The following PPFIBP1 variants were observed in gnomAD, a reference collection of about 807,000 sequenced individuals.
PPFIBP1 encodes PPFIB scaffold protein 1, also known as liprin-beta-1.
PPFIBP1 carries 112 observed loss-of-function variants against 137.8 expected under a neutral mutation model. The observed-to-expected ratio is 0.81, with a 90% CI of 0.70 to 0.95. PPFIBP1 has a LOEUF of 0.95. PPFIBP1 is among the 40% of genes least tolerant of loss of function. The probability of loss-of-function intolerance (pLI) is 0.00; values close to 1 mark genes in which losing one functional copy is unlikely to be tolerated. For missense variants in PPFIBP1, 1,083 were observed against 1,196.6 expected (o/e 0.91, Z 1.40); for synonymous variants, 378 against 417.3 (o/e 0.91, Z 1.15).
intron 24 of PPFIBP1, among the ~76,000 whole-genome samples, chr12:27,683,669 C>T (rs1024064307): frequency 6.6e-6 from 1 of 152,238 alleles, no homozygotes; most frequent in Non-Finnish European, 1.5e-5. Flanking sequence ...TAGGACTATT[C>T]CCTGCTTTAC....
intron 4 of PPFIBP1, among the ~76,000 whole-genome samples, chr12:27,645,730 C>A (rs1285128052): frequency 6.6e-6 from 1 of 152,184 alleles, no homozygotes; most frequent in Non-Finnish European, 1.5e-5. Flanking sequence ...ACTCGGGGTG[C>A]CCCCTACATA....
At chr12:27,547,656 G>C (rs1258027233) in intron 1 of PPFIBP1, 1 of 152,346 alleles carries the variant, frequency 6.6e-6, no homozygotes, top group Non-Finnish European at 1.5e-5. Flanking sequence ...ACTGGCAAAT[G>C]TGGTTGCGTC....
intron 1 of PPFIBP1, among the ~76,000 whole-genome samples, chr12:27,562,842 T>C (rs2049273385): frequency 6.6e-6 from 1 of 152,214 alleles, no homozygotes; most frequent in East Asian, 1.9e-4. Context: ...GCAGATTTAA[T>C]TGAAATAATT....
At chr12:27,596,035 A>C (rs1391249965) in intron 2 of PPFIBP1, among the ~76,000 whole-genome samples, 1 of 150,372 alleles carries the variant, frequency 6.7e-6, no homozygotes, top group African/African-American at 2.5e-5. Flanking sequence ...CGTCCTTAGG[A>C]GATTTAGAGC....
chr12:27,546,192 C>A (rs745796220), intron 1 of PPFIBP1, among the ~76,000 whole-genome samples: 33 of 152,086 alleles, frequency 2.2e-4, no homozygotes, highest in Non-Finnish European at 4.3e-4. Context: ...TGCGAATTGG[C>A]AGATTGTTGT....
chr12:27,691,344 G>C (rs1050158431), intron 27 of PPFIBP1, among the ~76,000 whole-genome samples: 7 of 151,906 alleles, frequency 4.6e-5, no homozygotes, highest in African/African-American at 1.7e-4. Flanking sequence ...CAGAGGCTGA[G>C]GCAGGAGGAT....
At chr12:27,566,848 T>C (rs905804029) in intron 1 of PPFIBP1, among the ~76,000 whole-genome samples, 2 of 152,202 alleles carry the variant, frequency 1.3e-5, no homozygotes, top group African/African-American at 4.8e-5. Context: ...CTAACCGCTC[T>C]GTACCAGAAA....
intron 2 of PPFIBP1, among the ~76,000 whole-genome samples, chr12:27,581,887 C>T (rs1036717568): frequency 1.3e-5 from 2 of 151,714 alleles, no homozygotes; most frequent in African/African-American, 2.4e-5. Flanking sequence ...CCTTTTCCTA[C>T]CAAATATCTA....
At chr12:27,627,419 A>T (rs560249104) in intron 2 of PPFIBP1, among the ~76,000 whole-genome samples, 10 of 152,344 alleles carry the variant, frequency 6.6e-5, no homozygotes, top group African/African-American at 2.4e-4. Flanking sequence ...GTATGTGAAC[A>T]TTCTCCCTTT....
chr12:27,686,090 G>C (rs1389624477), intron 24 of PPFIBP1, among the ~76,000 whole-genome samples: 6 of 152,100 alleles, frequency 3.9e-5, no homozygotes, highest in Non-Finnish European at 8.8e-5. Context: ...TGGAATGGGT[G>C]TCTCAATCCT....
At position 27,646,748 on chromosome 12, in the gene PPFIBP1, G is replaced by C. The variant is rs916746582; in HGVS notation, c.357+600G>C. 5.3e-5 allele frequency among the ~76,000 whole-genome samples: 8 copies of C among 152,036 alleles called. No homozygotes were observed. In the East Asian group the frequency reaches 1.2e-3, roughly 22 times the overall value. On this transcript the variant is annotated intron_variant, in intron 5 of 29. Coordinates refer to ENST00000228425, the MANE Select transcript of PPFIBP1 (RefSeq NM_003622.4). ...CTCCTTGTGGGCTAAATTTGAGTTT[G>C]CTTCTTCATAATGTTTTAAATGCTT...
chr12:27,601,775 G>A (rs1470502111), intron 2 of PPFIBP1, among the ~76,000 whole-genome samples: 4 of 152,146 alleles, frequency 2.6e-5, no homozygotes, highest in Admixed American at 6.5e-5. Flanking sequence ...ATCTAGCACG[G>A]CCATGAACAC....
At chr12:27,673,228 T>A (rs1446233652) in intron 15 of PPFIBP1, among the ~76,000 whole-genome samples, 1 of 152,196 alleles carries the variant, frequency 6.6e-6, no homozygotes. Flanking sequence ...ATGTTTATAG[T>A]GTCTCTTTGC....
At position 27,641,980 on chromosome 12, in the gene PPFIBP1, A is replaced by AATAAATAG. The variant is rs1555225027; in HGVS notation, c.271-4079_271-4078insAATAGATA. On this transcript the variant is annotated intron_variant, in intron 4 of 29. Coordinates refer to ENST00000228425, the MANE Select transcript of PPFIBP1 (RefSeq NM_003622.4). ...AAATAAATAAATAAATAAATAAATA[A>AATAAATAG]ATAGAAGGCTTTCCACTTAGATGGT... is the stretch of plus-strand genomic sequence containing the variant. 4.1e-3 allele frequency among the ~76,000 whole-genome samples: 599 copies of AATAAATAG among 144,962 alleles called. 2 individuals are homozygous for AATAAATAG. Among genetic ancestry groups the AATAAATAG allele is most frequent in the Middle Eastern group, 0.011 (3 of 282 alleles).
intron 2 of PPFIBP1, among the ~76,000 whole-genome samples, chr12:27,597,064 C>T (rs373554279): frequency 1.5e-3 from 221 of 152,262 alleles, no homozygotes; most frequent in African/African-American, 4.9e-3. Flanking sequence ...TGAGGGGAAC[C>T]GCATGTTCTA....
At chr12:27,598,678 C>G (rs1008757024) in intron 2 of PPFIBP1, among the ~76,000 whole-genome samples, 55 of 152,062 alleles carry the variant, frequency 3.6e-4, no homozygotes, top group African/African-American at 1.3e-3. Context: ...CTTTCTGAAG[C>G]ATCATAGAAA....
intron 1 of PPFIBP1, among the ~76,000 whole-genome samples, chr12:27,545,097 G>T (rs551951294): frequency 9.5e-4 from 145 of 152,236 alleles, no homozygotes; most frequent in African/African-American, 3.3e-3. Flanking sequence ...CATGGATGAA[G>T]CTGGAAACCA....
intron 2 of PPFIBP1, among the ~76,000 whole-genome samples, chr12:27,618,427 T>C (rs1404626328): frequency 6.6e-6 from 1 of 152,232 alleles, no homozygotes; most frequent in Non-Finnish European, 1.5e-5. Context: ...ATCTATTCTC[T>C]GAAGCTTCCT....
chr12:27,661,346 T>A (rs2059535542), intron 11 of PPFIBP1, among the ~76,000 whole-genome samples: 1 of 152,226 alleles, frequency 6.6e-6, no homozygotes, highest in Admixed American at 6.5e-5. Context: ...TACTCATTAT[T>A]TCCTTTACAC....
Sources: gnomAD v4.1 joint callset for allele counts (sites outside exome capture counted in the v4.1 genomes callset) on GRCh38, gnomAD v4.1.1 for gene constraint, MANE v1.5 for transcripts, NCBI Gene and HGNC (gene_info 2026-07-23, HGNC 2026-07-21) for gene names.